Variants in PRKD1 observed in about 807,000 individuals in gnomAD.
The protein encoded by PRKD1 is protein kinase D1.
A neutral mutation model predicts 95.9 loss-of-function variants in PRKD1; 63 were observed. The ratio of observed to expected loss-of-function variants is 0.66; its 90% confidence interval spans 0.54 to 0.81. The LOEUF (loss-of-function observed/expected upper bound fraction) is 0.81, where lower values mean the gene tolerates loss of function less well. Ranked by LOEUF, PRKD1 falls within the 30% of genes least tolerant of loss-of-function variation. The pLI, the probability that PRKD1 is intolerant of heterozygous loss-of-function variation, is 0.00. For missense variants in PRKD1, 1,048 were observed against 1,165.3 expected (o/e 0.90, Z 1.47); for synonymous variants, 425 against 423.1 (o/e 1.00, Z -0.05).
chr14:29,634,223 T>G (rs565372226), intron 8 of PRKD1, among the ~76,000 whole-genome samples, 195 bp downstream of exon 8: 9 of 152,184 alleles, frequency 5.9e-5, no homozygotes, highest in African/African-American at 1.7e-4. Context: ...CTTTCCACAC[T>G]TTTTCCTAAC....
At chr14:29,765,254 A>G (rs1888206327) in intron 1 of PRKD1, among the ~76,000 whole-genome samples, 2 of 152,320 alleles carry the variant, frequency 1.3e-5, no homozygotes, top group South Asian at 2.1e-4. Flanking sequence ...AACACTTCAC[A>G]AAAGAGGGAA....
chr14:29,644,284 T>A (rs184562087), intron 4 of PRKD1, among the ~76,000 whole-genome samples: 78 of 152,362 alleles, frequency 5.1e-4, no homozygotes, highest in African/African-American at 1.8e-3. Context: ...CTTGTCTGCC[T>A]GCTCCTTGCC....
At chr14:29,792,158 C>T (rs910034735) in intron 1 of PRKD1, among the ~76,000 whole-genome samples, 1 of 152,048 alleles carries the variant, frequency 6.6e-6, no homozygotes, top group Non-Finnish European at 1.5e-5. Context: ...AAAGTTCCTT[C>T]AAAGTACACA....
chr14:29,783,346 A>G (rs193282858), intron 1 of PRKD1, among the ~76,000 whole-genome samples: 2 of 152,210 alleles, frequency 1.3e-5, no homozygotes, highest in African/African-American at 4.8e-5. Flanking sequence ...TTTTATGGCT[A>G]AATAGTGTTC....
At chr14:29,804,748 G>C (rs1890168889) in intron 1 of PRKD1, among the ~76,000 whole-genome samples, 1 of 152,160 alleles carries the variant, frequency 6.6e-6, no homozygotes, top group Non-Finnish European at 1.5e-5. Context: ...TTTATCTGAA[G>C]TATTTTCTGA....
At chr14:29,858,869 C>A (rs1892603485) in intron 1 of PRKD1, among the ~76,000 whole-genome samples, 1 of 152,026 alleles carries the variant, frequency 6.6e-6, no homozygotes, top group African/African-American at 2.4e-5. Context: ...TGGGAGGGGG[C>A]ACTATAACCT....
chr14:29,599,750 A>G lies in PRKD1; in HGVS notation c.1973T>C (p.Val658Ala). 1 of 1,613,380 alleles carries G rather than the reference A, an allele frequency of 6.2e-7. No individual in the cohort carries two copies. Among genetic ancestry groups the G allele is most frequent in the Non-Finnish European group, 8.5e-7 (1 of 1,179,634 alleles). Reference protein sequence around the residue: ...MFETPERVFVVMEKLHGDMLE... With the variant: ...MFETPERVFVAMEKLHGDMLE... ...CATGTCTCCATGGAGTTTTTCCATA[A>G]CAACAAACACTCTTTCAGGCGTCTC... The change falls in exon 14 of 18, where the codon GTT (valine) becomes GCT (alanine). Residue 658 changes from valine (V) to alanine (A), a missense_variant. By Grantham distance (64) the Val-to-Ala change is moderately conservative (BLOSUM62 0). This residue lies in a region of PRKD1 where 739 missense variants were observed against 861.9 expected (regional missense o/e 0.86). Coordinates refer to ENST00000331968, the MANE Select transcript of PRKD1 (RefSeq NM_002742.3).
At chr14:29,750,099 G>C (rs1475116665) in intron 1 of PRKD1, among the ~76,000 whole-genome samples, 4 of 152,230 alleles carry the variant, frequency 2.6e-5, no homozygotes, top group African/African-American at 9.6e-5. Flanking sequence ...CTCCCTCAGA[G>C]GCAGGATCAA....
chr14:29,621,394 C>A (rs1879256631), intron 13 of PRKD1, among the ~76,000 whole-genome samples: 1 of 151,812 alleles, frequency 6.6e-6, no homozygotes, highest in Non-Finnish European at 1.5e-5. Context: ...CTCTCTTTCT[C>A]TCTCTCTCTT....
At chr14:29,704,661 T>C (rs1884991855) in intron 2 of PRKD1, among the ~76,000 whole-genome samples, 1 of 152,140 alleles carries the variant, frequency 6.6e-6, no homozygotes, top group Admixed American at 6.6e-5. Context: ...GGAGCCTGTG[T>C]ATCCCCTCAA....
At chr14:29,774,018 A>T (rs1421402210) in intron 1 of PRKD1, among the ~76,000 whole-genome samples, 5 of 152,244 alleles carry the variant, frequency 3.3e-5, no homozygotes, top group African/African-American at 1.2e-4. Context: ...AAGAAAGAAA[A>T]GATCAGTTGA....
chr14:29,672,037 A>G (rs1291454677), intron 2 of PRKD1, among the ~76,000 whole-genome samples: 3 of 152,136 alleles, frequency 2.0e-5, no homozygotes, highest in African/African-American at 7.2e-5. Context: ...ATCAATGTCA[A>G]AGGTGGAGAT....
chr14:29,895,578 A>T (rs952534428), intron 1 of PRKD1, among the ~76,000 whole-genome samples: 10 of 152,016 alleles, frequency 6.6e-5, no homozygotes, highest in African/African-American at 2.4e-4. Flanking sequence ...ATTCGGAGGG[A>T]AAGGTGGAGT....
chr14:29,750,325 C>T (rs1248493039), intron 1 of PRKD1, among the ~76,000 whole-genome samples: 1 of 152,026 alleles, frequency 6.6e-6, no homozygotes, highest in Admixed American at 6.6e-5. Flanking sequence ...CCAATTTTAC[C>T]ATAAGCTAGT....
At chr14:29,763,642 T>G (rs1356317310) in intron 1 of PRKD1, among the ~76,000 whole-genome samples, 3 of 152,128 alleles carry the variant, frequency 2.0e-5, no homozygotes, top group Non-Finnish European at 4.4e-5. Flanking sequence ...TCCTATAACC[T>G]TGGGTGTTGC....
chr14:29,657,903 G>GA (rs946615785), intron 4 of PRKD1: 7 of 152,110 alleles, frequency 4.6e-5, no homozygotes, highest in Non-Finnish European at 8.8e-5. Flanking sequence ...ACAAAAAAAA[G>GA]AAAAAACCTG....
intron 2 of PRKD1, among the ~76,000 whole-genome samples, chr14:29,676,764 T>C (rs982910348): frequency 5.3e-5 from 8 of 152,224 alleles, no homozygotes; most frequent in African/African-American, 1.9e-4. Flanking sequence ...CAGTGAAGTT[T>C]AGATTTAGAG....
intron 1 of PRKD1, among the ~76,000 whole-genome samples, chr14:29,873,649 A>C (rs1893188202): frequency 6.6e-6 from 1 of 152,236 alleles, no homozygotes; most frequent in Non-Finnish European, 1.5e-5. Context: ...AAGTGTCTAA[A>C]TATGTAAGAT....
chr14:29,779,210 C>A (rs1396214356), intron 1 of PRKD1, among the ~76,000 whole-genome samples: 1 of 152,168 alleles, frequency 6.6e-6, no homozygotes, highest in Non-Finnish European at 1.5e-5. Context: ...GGGAAGCGTT[C>A]CCTTTGAAAA....
Sources: allele counts gnomAD v4.1 joint callset (sites outside exome capture counted in the v4.1 genomes callset), GRCh38; gene constraint gnomAD v4.1.1; regional missense constraint gnomAD v4.1.1; transcripts MANE v1.5; gene names NCBI Gene and HGNC (gene_info 2026-07-23, HGNC 2026-07-21).